The following RABGAP1L variants were observed in gnomAD, a reference collection of about 807,000 sequenced individuals.
RABGAP1L encodes the protein rab GTPase-activating protein 1-like.
In RABGAP1L, 63 loss-of-function variants were observed where a neutral mutation model predicts 137.7. That is an observed-to-expected ratio of 0.46 (90% confidence interval 0.37 to 0.56). RABGAP1L has a LOEUF of 0.56. Among genes scored for constraint, RABGAP1L ranks in the 20% least tolerant of loss-of-function variants. RABGAP1L has a pLI of 0.00. For synonymous variants in RABGAP1L, 431 were observed against 433.7 expected, an observed-to-expected ratio of 0.99 and a Z score of 0.08; for missense variants, 1,095 against 1,244.0, an observed-to-expected ratio of 0.88 and a Z score of 1.80.
At chr1:174,444,488 C>A (rs1346607446) in intron 13 of RABGAP1L, among the ~76,000 whole-genome samples, 2 of 151,972 alleles carry the variant, frequency 1.3e-5, no homozygotes, top group African/African-American at 4.8e-5. Flanking sequence ...CTCCTCTTAA[C>A]TTTTTAAGAA....
At chr1:174,577,089 T>G (rs1237126899) in intron 13 of RABGAP1L, among the ~76,000 whole-genome samples, 1 of 151,686 alleles carries the variant, frequency 6.6e-6, no homozygotes, top group Non-Finnish European at 1.5e-5. Flanking sequence ...AAGTCTGAGG[T>G]AAGGAGGACC....
intron 11 of RABGAP1L, among the ~76,000 whole-genome samples, chr1:174,324,045 G>A (rs1157610780): frequency 3.9e-5 from 6 of 152,224 alleles, no homozygotes; most frequent in South Asian, 4.1e-4. Flanking sequence ...CAGTTTTGGC[G>A]TGTTATTAAC....
intron 11 of RABGAP1L, among the ~76,000 whole-genome samples, chr1:174,323,950 T>A (rs1282521090): frequency 6.6e-6 from 1 of 152,170 alleles, no homozygotes; most frequent in Admixed American, 6.5e-5. Flanking sequence ...ATATGCTCTA[T>A]AATGGAAGAG....
intron 17 of RABGAP1L, among the ~76,000 whole-genome samples, chr1:174,730,272 G>C (rs1682351223): frequency 6.6e-6 from 1 of 152,128 alleles, no homozygotes; most frequent in African/African-American, 2.4e-5. Context: ...GGGACATAAA[G>C]ATAGCAACAA....
intron 13 of RABGAP1L, among the ~76,000 whole-genome samples, chr1:174,500,812 A>G (rs914203657): frequency 6.6e-6 from 1 of 152,184 alleles, no homozygotes. Context: ...CCTGAGTTCC[A>G]GTAAAAAACT....
chr1:174,336,904 A>AGG (rs1202796030), intron 11 of RABGAP1L, among the ~76,000 whole-genome samples: 7 of 150,748 alleles, frequency 4.6e-5, no homozygotes, highest in African/African-American at 1.5e-4. Context: ...AGAGAAAGAG[A>AGG]GAGAAAGAAT....
chr1:174,308,496 G>C (rs1448546460), intron 11 of RABGAP1L, among the ~76,000 whole-genome samples: 1 of 151,920 alleles, frequency 6.6e-6, no homozygotes, highest in African/African-American at 2.4e-5. Flanking sequence ...TTTTCTTCTA[G>C]TAGTTTAATT....
intron 13 of RABGAP1L, among the ~76,000 whole-genome samples, chr1:174,542,498 G>C (rs1341374928): frequency 6.6e-6 from 1 of 151,404 alleles, no homozygotes; most frequent in Non-Finnish European, 1.5e-5. Context: ...TTCTTTATTA[G>C]TCTTGCTAGT....
intron 19 of RABGAP1L, among the ~76,000 whole-genome samples, chr1:174,819,502 A>G (rs1690797053): frequency 6.6e-6 from 1 of 152,192 alleles, no homozygotes; most frequent in Non-Finnish European, 1.5e-5. Flanking sequence ...ATAAATGTAT[A>G]CTTACAGAGT....
chr1:174,213,844 CATA>C (rs1321016064), intron 1 of RABGAP1L, among the ~76,000 whole-genome samples: 2 of 152,148 alleles, frequency 1.3e-5, no homozygotes, highest in Non-Finnish European at 2.9e-5. Flanking sequence ...TATACTTCAA[CATA>C]ATAAAAGCCA....
chr1:174,849,059 T>C (rs1647692421), intron 19 of RABGAP1L, among the ~76,000 whole-genome samples: 1 of 152,224 alleles, frequency 6.6e-6, no homozygotes, highest in African/African-American at 2.4e-5. Context: ...GCTTCCCAGG[T>C]GAGGCAATGC....
chr1:174,249,391 A>C (rs1042960266), intron 5 of RABGAP1L, among the ~76,000 whole-genome samples: 60 of 152,292 alleles, frequency 3.9e-4, no homozygotes, highest in African/African-American at 1.3e-3. Flanking sequence ...GACTTGGCCA[A>C]AACCTTGTTT....
chr1:174,459,409 C>G (rs143696743), intron 13 of RABGAP1L, among the ~76,000 whole-genome samples: 7 of 152,224 alleles, frequency 4.6e-5, no homozygotes, highest in Admixed American at 1.3e-4. Flanking sequence ...AACACTTACA[C>G]AGTTGTCCCT....
chr1:174,195,395 T>C (rs904326214), intron 1 of RABGAP1L, among the ~76,000 whole-genome samples: 2 of 152,290 alleles, frequency 1.3e-5, no homozygotes, highest in African/African-American at 4.8e-5. Context: ...AATTAATTTT[T>C]CCCTATATAC....
At position 174,448,986 on chromosome 1, in the gene RABGAP1L, T is replaced by G. The variant is rs1655121057; in HGVS notation, c.1710+54841T>G. ...TACTTTCTTCTAGAAAGCTCCCGGG[T>G]CTTGGACAATCCAACTCTGTCCTTC... On this transcript the variant is annotated intron_variant, in intron 13 of 25. Coordinates refer to ENST00000681986, the MANE Select transcript of RABGAP1L (RefSeq NM_001366446.1). This position sits in a 1 kb window ranked among gnomAD's most constrained non-coding sequence, Gnocchi z 4.2. 6.2e-7 allele frequency: 1 copy of G among 1,613,272 alleles called. No individual in the cohort carries two copies. Among genetic ancestry groups the G allele is most frequent in the Non-Finnish European group, 8.5e-7 (1 of 1,179,212 alleles).
rs191168882 is a variant in RABGAP1L at position 174,448,888 on chromosome 1, T to A, written c.1710+54743T>A. The A allele has an allele frequency of 1.9e-5, 30 of 1,613,318 alleles. No homozygotes were observed. The highest frequency in any genetic ancestry group is 1.2e-4 in the Admixed American group (7 of 60,022). ...CTTCCAGAGAGACTGGACACAGCCC[T>A]GACCGTCGCTACGCCATGGTTTTGT... On this transcript the variant is annotated intron_variant, in intron 13 of 25. Coordinates refer to ENST00000681986, the MANE Select transcript of RABGAP1L (RefSeq NM_001366446.1). This position sits in a 1 kb window ranked among gnomAD's most constrained non-coding sequence, Gnocchi z 4.2.
chr1:174,960,921 A>T (rs1436941575), intron 20 of RABGAP1L, among the ~76,000 whole-genome samples: 1 of 152,232 alleles, frequency 6.6e-6, no homozygotes, highest in Non-Finnish European at 1.5e-5. Context: ...ATATATAAGT[A>T]GGTAATACAC....
intron 11 of RABGAP1L, among the ~76,000 whole-genome samples, chr1:174,317,171 A>G (rs546260285): frequency 6.6e-6 from 1 of 152,014 alleles, no homozygotes; most frequent in South Asian, 2.1e-4. Flanking sequence ...GGTGCAAGAC[A>G]AAGTCCCCTT....
chr1:174,543,217 G>T (rs1056194963), intron 13 of RABGAP1L, among the ~76,000 whole-genome samples: 1 of 152,106 alleles, frequency 6.6e-6, no homozygotes, highest in South Asian at 2.1e-4. Flanking sequence ...CATTATTATT[G>T]TGTGGGAGTC....
Sources: gnomAD v4.1 joint callset for allele counts (sites outside exome capture counted in the v4.1 genomes callset) on GRCh38, gnomAD v4.1.1 for gene constraint, Gnocchi (gnomAD v3.1) non-coding constraint, MANE v1.5 for transcripts, NCBI Gene and HGNC (gene_info 2026-07-23, HGNC 2026-07-21) for gene names.